Variants in RAB6A observed in about 807,000 individuals in gnomAD.
RAB6A encodes RAB6A, member RAS oncogene family, also known as ras-related protein Rab-6A.
In RAB6A, 8 loss-of-function variants were observed where a neutral mutation model predicts 32.3. That is an observed-to-expected ratio of 0.25 (90% CI 0.15 to 0.45). RAB6A has a LOEUF of 0.45. Among genes scored for constraint, RAB6A ranks in the 20% least tolerant of loss-of-function variants. The pLI, the probability that RAB6A is intolerant of heterozygous loss-of-function variation, is 1.00. For synonymous variants in RAB6A, 73 were observed against 82.1 expected (o/e 0.89, Z 0.60); for missense variants, 104 against 249.4 (o/e 0.42, Z 3.93).
In RAB6A at chr11:73,681,243, C is replaced by A. The variant is rs377693462; in HGVS notation, c.496-1523G>T. Among the ~76,000 whole-genome samples the A allele has an allele frequency of 3.3e-5, 5 of 152,096 alleles. No individual in the cohort carries two copies. In the South Asian group the frequency reaches 8.3e-4, roughly 25 times the overall value. ...TGGTAAAGGAGATACTCAAACAATT[C>A]TTTATATTACAATGTGATGCTACAA... is the stretch of plus-strand genomic sequence containing the variant. On this transcript the variant is annotated intron_variant, in intron 6 of 7. Transcript: ENST00000336083.
intron 1 of RAB6A, among the ~76,000 whole-genome samples, chr11:73,735,642 G>C (rs146190128): frequency 8.6e-4 from 131 of 152,208 alleles, no homozygotes; most frequent in African/African-American, 3.2e-3. Context: ...ATGAGTATTA[G>C]AGAGCTAACT....
chr11:73,760,642 A>G lies in RAB6A; in HGVS notation c.-7T>C, dbSNP rs1280007671. 7 of 1,607,528 alleles carry G rather than the reference A, an allele frequency of 4.4e-6. No individual in the cohort carries two copies. Among genetic ancestry groups the G allele is most frequent in the Non-Finnish European group, 5.9e-6 (7 of 1,177,272 alleles). On this transcript the variant is annotated 5_prime_UTR_variant, in exon 1 of 8. Coordinates refer to ENST00000336083, the MANE Select transcript of RAB6A (RefSeq NM_198896.2). ...AGTCTCCGCCCGTGGACATTGTGGA[A>G]CTAGAGGAGCGGCCGCCGCCTCAGC...
intron 2 of RAB6A, chr11:73,722,313 AT>A: frequency 2.0e-5 from 1 of 50,190 alleles, no homozygotes; most frequent in South Asian, 9.5e-4. Flanking sequence ...GTGTATATAT[AT>A]ATATATATAT....
intron 2 of RAB6A, among the ~76,000 whole-genome samples, chr11:73,721,158 T>G (rs1215611036): frequency 6.6e-6 from 1 of 152,222 alleles, no homozygotes; most frequent in African/African-American, 2.4e-5. Context: ...GCCAGGTAGC[T>G]TATTCTCATC....
intron 2 of RAB6A, chr11:73,729,942 CA>C: frequency 6.6e-6 from 1 of 152,492 alleles, no homozygotes; most frequent in African/African-American, 2.4e-5. Flanking sequence ...CCCTGAAAAC[CA>C]CAATCAAGGC....
At chr11:73,742,629 C>T (rs566377328) in intron 1 of RAB6A, among the ~76,000 whole-genome samples, 3 of 152,002 alleles carry the variant, frequency 2.0e-5, no homozygotes, top group African/African-American at 4.8e-5. Flanking sequence ...CTGACCAACA[C>T]GGAGAAACCC....
At chr11:73,684,623 C>A (rs1207582451) in intron 6 of RAB6A, among the ~76,000 whole-genome samples, 1 of 152,160 alleles carries the variant, frequency 6.6e-6, no homozygotes, top group Non-Finnish European at 1.5e-5. Flanking sequence ...ACTGCAGTAT[C>A]TCCGAGGTAC....
In RAB6A at chr11:73,676,653, T is replaced by TA. The variant is rs1945273458; in HGVS notation, c.*1244dup. ...CTAAAAAATAAGGCATAAATCTGCATAATATTGAGTTTTATTTCCATTCTC... is the reference window on the plus strand; with the variant it reads ...CTAAAAAATAAGGCATAAATCTGCATAAATATTGAGTTTTATTTCCATTCTC... On this transcript the variant is annotated 3_prime_UTR_variant, in exon 8 of 8. Coordinates refer to ENST00000336083, the MANE Select transcript of RAB6A (RefSeq NM_198896.2). 1 of 167,100 alleles carries TA rather than the reference T, an allele frequency of 6.0e-6. No individual in the cohort carries two copies. The highest frequency in any genetic ancestry group is 2.1e-4 in the South Asian group (1 of 4,832). The allele number at this position is 167,100 out of a possible 1,614,324, so 10.4% of individuals were successfully genotyped here.
At chr11:73,721,002 C>G in intron 2 of RAB6A, 103 bp from the exon 3 acceptor site, 1 of 837,152 alleles carries the variant, frequency 1.2e-6, no homozygotes, top group Non-Finnish European at 2.0e-6. Context: ...AATGAATAAA[C>G]AAATCAATAC....
At chr11:73,741,799 C>A (rs1362452260) in intron 1 of RAB6A, among the ~76,000 whole-genome samples, 1 of 151,828 alleles carries the variant, frequency 6.6e-6, no homozygotes, top group African/African-American at 2.4e-5. Flanking sequence ...CTGGAAAAGA[C>A]AAAAAGAAAT....
At chr11:73,741,596 A>G (rs1239974368) in intron 1 of RAB6A, among the ~76,000 whole-genome samples, 1 of 152,224 alleles carries the variant, frequency 6.6e-6, no homozygotes, top group Non-Finnish European at 1.5e-5. Flanking sequence ...AAAACTTGAA[A>G]GCAACCAAAA....
chr11:73,757,938 A>G (rs1037718803), intron 1 of RAB6A, among the ~76,000 whole-genome samples: 2 of 152,236 alleles, frequency 1.3e-5, no homozygotes, highest in African/African-American at 4.8e-5. Context: ...TTTTATCTTC[A>G]TGGGAGTTGC....
intron 3 of RAB6A, chr11:73,718,960 G>A (rs1946094407): frequency 2.2e-6 from 3 of 1,388,420 alleles, no homozygotes; most frequent in Non-Finnish European, 2.0e-6. Flanking sequence ...AAGAAACAAT[G>A]TTTTTTGTAA....
intron 1 of RAB6A, among the ~76,000 whole-genome samples, chr11:73,733,572 T>A (rs1376005341): frequency 1.4e-4 from 19 of 137,882 alleles, no homozygotes; most frequent in African/African-American, 4.3e-4. Context: ...AATAAATAAA[T>A]AAAAATAAAT....
At chr11:73,739,278 AAAAAAAATAT>A (rs1565374013) in intron 1 of RAB6A, among the ~76,000 whole-genome samples, 1 of 18,840 alleles carries the variant, frequency 5.3e-5, no homozygotes, top group Non-Finnish European at 1.5e-4. Flanking sequence ...AAAAAAAAAA[AAAAAAAATAT>A]ATATATATAT....
At chr11:73,687,349 T>C (rs1945475668) in intron 6 of RAB6A, among the ~76,000 whole-genome samples, 1 of 152,180 alleles carries the variant, frequency 6.6e-6, no homozygotes, top group Admixed American at 6.5e-5. Flanking sequence ...AAAAATCCTA[T>C]TTTGTCTACG....
chr11:73,760,499 G>A, intron 1 of RAB6A, 67 bp downstream of exon 1: 2 of 1,528,068 alleles, frequency 1.3e-6, no homozygotes, highest in Non-Finnish European at 8.8e-7. Context: ...CGGACGGAAG[G>A]GCCGCACCGG....
intron 6 of RAB6A, among the ~76,000 whole-genome samples, chr11:73,689,069 C>T (rs916885620): frequency 2.0e-5 from 3 of 151,826 alleles, no homozygotes; most frequent in African/African-American, 7.3e-5. Flanking sequence ...CTGTAGTGAG[C>T]TGTGATTATG....
chr11:73,760,235 G>A (rs754585536), intron 1 of RAB6A: 1 of 764,512 alleles, frequency 1.3e-6, no homozygotes, highest in Non-Finnish European at 2.0e-6. Context: ...GGGGGCCGGG[G>A]TACGGGCAAT....
Sources: gnomAD v4.1 joint callset for allele counts (sites outside exome capture counted in the v4.1 genomes callset) on GRCh38, gnomAD v4.1.1 for gene constraint, MANE v1.5 for transcripts, NCBI Gene and HGNC (gene_info 2026-07-23, HGNC 2026-07-21) for gene names.